The following XPO6 variants were observed in gnomAD, a reference collection of about 807,000 sequenced individuals.
The protein encoded by XPO6 is exportin-6.
A neutral mutation model predicts 130.0 loss-of-function variants in XPO6; 3 were observed. The observed-to-expected ratio is 0.02, with a 90% confidence interval of 0.01 to 0.06. XPO6 has a LOEUF of 0.06. Ranked by LOEUF, XPO6 falls within the 10% of genes least tolerant of loss-of-function variation. The pLI, the probability that XPO6 is intolerant of heterozygous loss-of-function variation, is 1.00. For synonymous variants in XPO6, 524 were observed against 548.9 expected (o/e 0.95, Z 0.63); for missense variants, 970 against 1,393.0 (o/e 0.70, Z 4.83).
At chr16:28,102,781 A>G (rs1252853055) in intron 21 of XPO6, among the ~76,000 whole-genome samples, 1 of 152,014 alleles carries the variant, frequency 6.6e-6, no homozygotes, top group East Asian at 1.9e-4. Flanking sequence ...TCAGGGGCAA[A>G]AAGAAACACC....
chr16:28,106,262 G>A lies in XPO6; in HGVS notation c.2613-48C>T, dbSNP rs1435370406. On this transcript the variant is annotated intron_variant, in intron 19 of 23. Coordinates refer to ENST00000304658, the MANE Select transcript of XPO6 (RefSeq NM_015171.4). The surrounding 1 kb of genome is among the most constrained non-coding windows in gnomAD (Gnocchi z 4.2). ...GTGAGCAACCACATGTTTCTCTGGG[G>A]GCCAGCATGAAAACCCATGCTGTGG... The A allele has an allele frequency of 1.2e-6, 2 of 1,608,044 alleles. No homozygotes were observed. The highest frequency in any genetic ancestry group is 1.7e-6 in the Non-Finnish European group (2 of 1,175,650).
At chr16:28,165,630 A>T (rs2043345379) in intron 6 of XPO6, among the ~76,000 whole-genome samples, 1 of 152,222 alleles carries the variant, frequency 6.6e-6, no homozygotes, top group Non-Finnish European at 1.5e-5. Flanking sequence ...GCTTCCACAT[A>T]CTAACAACAG....
chr16:28,100,239 C>T (rs1020616291), intron 23 of XPO6, among the ~76,000 whole-genome samples: 1 of 152,246 alleles, frequency 6.6e-6, no homozygotes, highest in African/African-American at 2.4e-5. Context: ...ATCCGCCCGC[C>T]TTGGCCTCCC....
chr16:28,133,491 C>A (rs567139288), intron 11 of XPO6, among the ~76,000 whole-genome samples: 2 of 152,166 alleles, frequency 1.3e-5, no homozygotes, highest in Admixed American at 1.3e-4. Context: ...AGAAAGCTAG[C>A]AATTTGCCAA....
chr16:28,102,026 C>T (rs2086664830), intron 21 of XPO6, 81 bp from the exon 22 acceptor site: 1 of 1,158,462 alleles, frequency 8.6e-7, no homozygotes, highest in African/African-American at 1.5e-5. Context: ...AGAACAAGTG[C>T]CAGGGCCAGG....
intron 6 of XPO6, among the ~76,000 whole-genome samples, chr16:28,165,069 T>C (rs1337947768): frequency 6.6e-6 from 1 of 151,952 alleles, no homozygotes; most frequent in Non-Finnish European, 1.5e-5. Flanking sequence ...ATACAAAAAT[T>C]AGCCAGGCAT....
At chr16:28,112,197 T>G (rs912636073) in intron 16 of XPO6, among the ~76,000 whole-genome samples, 191 bp from the exon 17 acceptor site, 1 of 152,182 alleles carries the variant, frequency 6.6e-6, no homozygotes, top group African/African-American at 2.4e-5. Context: ...AATGAAGTAA[T>G]AGCACCATGT....
rs768689417 is a variant in XPO6, at chr16:28,175,954, T to C, written c.349A>G (p.Ile117Val). Reference protein sequence around the residue: ...RNKLCKVIVDIGRQDWPMFYH... With the variant: ...RNKLCKVIVDVGRQDWPMFYH... ...AACATGGGCCAATCCTGACGTCCAATATCAACAATAACTTTGCAGAGCTTG... is the reference window on the plus strand; with the variant it reads ...AACATGGGCCAATCCTGACGTCCAACATCAACAATAACTTTGCAGAGCTTG... The change falls in exon 4 of 24, where the codon ATT becomes GTT. Residue 117 changes from isoleucine to valine, a missense_variant. Transcript: ENST00000304658. 2 of 1,614,180 alleles carry C rather than the reference T, an allele frequency of 1.2e-6. No individual in the cohort carries two copies. Among genetic ancestry groups the C allele is most frequent in the East Asian group, 2.2e-5 (1 of 44,872 alleles).
intron 6 of XPO6, among the ~76,000 whole-genome samples, chr16:28,158,618 C>T (rs745668063): frequency 2.2e-4 from 33 of 151,972 alleles, no homozygotes; most frequent in Non-Finnish European, 4.1e-4. Flanking sequence ...TTTTGAGGAC[C>T]TCAGTAATTT....
intron 21 of XPO6, among the ~76,000 whole-genome samples, chr16:28,104,159 T>A (rs1033545157): frequency 2.0e-5 from 3 of 152,162 alleles, no homozygotes; most frequent in Admixed American, 2.0e-4. Flanking sequence ...AGAATCACAG[T>A]GCAGGTCTGG....
rs376443484 is a variant in XPO6, at chr16:28,101,641, G to A, written c.3093C>T (p.Leu1031=). ...CATGGGACTTGTGGACCAGGACCTG[G>A]AGCAGCACGTTCACAAACTGGAACA... ...AMLFQFVNVL[L]QVLVHKSHDL... is the part of the protein sequence containing the mutation. The change falls in exon 23 of 24, where the codon CTC becomes CTT. Residue 1031 remains leucine (L), a synonymous_variant. Coordinates refer to ENST00000304658, the MANE Select transcript of XPO6 (RefSeq NM_015171.4). This position sits in a 1 kb window ranked among gnomAD's most constrained non-coding sequence, Gnocchi z 5.4. The A allele has an allele frequency of 6.3e-5, 101 of 1,613,202 alleles. 1 individual carries two copies. The highest frequency in any genetic ancestry group is 4.9e-4 in the Middle Eastern group (3 of 6,082).
chr16:28,155,333 A>C (rs531189899), intron 7 of XPO6, among the ~76,000 whole-genome samples: 62 of 152,270 alleles, frequency 4.1e-4, no homozygotes, highest in Non-Finnish European at 6.8e-4. Flanking sequence ...ATAAGTTTCC[A>C]AATTCCCTCC....
At position 28,132,828 on chromosome 16, in the gene XPO6, C is replaced by T. The variant is rs550937267; in HGVS notation, c.1537-425G>A. On this transcript the variant is annotated intron_variant, in intron 11 of 23. Transcript: ENST00000304658. The surrounding 1 kb of genome is among the most constrained non-coding windows in gnomAD (Gnocchi z 4.0). ...AATGTCAGCTATGCCTTATTAAGCA[C>T]ATGGTAAAGTGATAAGATTGGCCAA... 2.0e-5 allele frequency among the ~76,000 whole-genome samples: 3 copies of T among 152,190 alleles called. No individual in the cohort carries two copies. In the South Asian group the frequency reaches 6.2e-4, roughly 32 times the overall value.
chr16:28,140,147 G>A (rs187255817), intron 9 of XPO6, among the ~76,000 whole-genome samples: 8 of 149,554 alleles, frequency 5.3e-5, no homozygotes, highest in East Asian at 2.0e-4. Flanking sequence ...CAGGAGAATC[G>A]CTTGAACCTG....
intron 3 of XPO6, among the ~76,000 whole-genome samples, chr16:28,176,380 T>A (rs1253695957): frequency 2.0e-5 from 3 of 152,160 alleles, no homozygotes; most frequent in Non-Finnish European, 2.9e-5. Flanking sequence ...AGAAGCAACT[T>A]CAATGTTCAA....
chr16:28,100,367 T>C (rs983078968), intron 23 of XPO6, among the ~76,000 whole-genome samples: 1 of 152,208 alleles, frequency 6.6e-6, no homozygotes. Flanking sequence ...GATCATTAAG[T>C]ATTAGGATCT....
intron 8 of XPO6, among the ~76,000 whole-genome samples, chr16:28,146,621 T>C (rs891871726): frequency 1.3e-5 from 2 of 152,170 alleles, no homozygotes; most frequent in African/African-American, 4.8e-5. Flanking sequence ...CTCTTTCCAT[T>C]ACAAACCATT....
At chr16:28,152,539 A>G in intron 8 of XPO6, 120 bp downstream of exon 8, 1 of 1,239,412 alleles carries the variant, frequency 8.1e-7, no homozygotes, top group Admixed American at 2.9e-5. Context: ...GTGACTCTTC[A>G]CATAATAAGC....
At chr16:28,138,740 C>T (rs1183434946) in intron 9 of XPO6, among the ~76,000 whole-genome samples, 2 of 152,102 alleles carry the variant, frequency 1.3e-5, no homozygotes, top group Non-Finnish European at 2.9e-5. Flanking sequence ...GCTTCTTTTG[C>T]CCAACCTATC....
Sources: gnomAD v4.1 joint callset for allele counts (sites outside exome capture counted in the v4.1 genomes callset) on GRCh38, gnomAD v4.1.1 for gene constraint, Gnocchi (gnomAD v3.1) non-coding constraint, MANE v1.5 for transcripts, NCBI Gene and HGNC (gene_info 2026-07-23, HGNC 2026-07-21) for gene names.